NPAS3: variants seen among roughly 807,000 people sequenced by gnomAD.
The protein encoded by NPAS3 is neuronal PAS domain protein 3, also known as neuronal PAS domain-containing protein 3.
A neutral mutation model predicts 73.1 loss-of-function variants in NPAS3; 14 were observed. The observed-to-expected ratio is 0.19, with a 90% CI of 0.13 to 0.30. The LOEUF is 0.30. Ranked by LOEUF, NPAS3 falls within the 10% of genes least tolerant of loss-of-function variation. The pLI, the probability that NPAS3 is intolerant of heterozygous loss-of-function variation, is 1.00. For missense variants in NPAS3, 1,096 were observed against 1,250.0 expected, an observed-to-expected ratio of 0.88 and a Z score of 1.86; for synonymous variants, 620 against 541.5, an observed-to-expected ratio of 1.14 and a Z score of -2.01.
At chr14:33,262,580 A>G (rs916316202) in intron 3 of NPAS3, among the ~76,000 whole-genome samples, 1 of 152,090 alleles carries the variant, frequency 6.6e-6, no homozygotes, top group Non-Finnish European at 1.5e-5. Context: ...GCCTGTTCTC[A>G]TTTTTCCACA....
At chr14:33,563,714 G>T (rs950188178) in intron 5 of NPAS3, among the ~76,000 whole-genome samples, 2 of 152,138 alleles carry the variant, frequency 1.3e-5, no homozygotes, top group Non-Finnish European at 2.9e-5. Context: ...ACATACTGAT[G>T]CTGAGTTTGG....
chr14:33,387,458 A>C (rs1308580874), intron 4 of NPAS3, among the ~76,000 whole-genome samples: 1 of 152,060 alleles, frequency 6.6e-6, no homozygotes, highest in Non-Finnish European at 1.5e-5. Flanking sequence ...TTTTGGCCTA[A>C]ATACCCGTTA....
intron 5 of NPAS3, among the ~76,000 whole-genome samples, chr14:33,672,129 C>A (rs1168209754): frequency 6.6e-6 from 1 of 152,160 alleles, no homozygotes; most frequent in South Asian, 2.1e-4. Flanking sequence ...AGAGTTTTGC[C>A]GTAGATTGGA....
chr14:32,989,632 G>C, intron 1 of NPAS3, among the ~76,000 whole-genome samples: 1 of 151,646 alleles, frequency 6.6e-6, no homozygotes, highest in Non-Finnish European at 1.5e-5. Flanking sequence ...GCGACAGCGA[G>C]ACTCGGTCTC....
intron 4 of NPAS3, among the ~76,000 whole-genome samples, chr14:33,552,534 T>C (rs1239460220): frequency 6.6e-6 from 1 of 152,172 alleles, no homozygotes; most frequent in East Asian, 1.9e-4. Flanking sequence ...ATGCAATATA[T>C]ATTATATATA....
chr14:33,509,033 T>C (rs1367229096), intron 4 of NPAS3, among the ~76,000 whole-genome samples: 1 of 150,088 alleles, frequency 6.7e-6, no homozygotes, highest in African/African-American at 2.4e-5. Context: ...CTACTCAATA[T>C]AACCTTTAAA....
At position 33,083,178 on chromosome 14, in the gene NPAS3, C is replaced by CAAAAAAAA. The variant is rs57147759; in HGVS notation, c.140+27213_140+27220dup. ...AGCCTGGGTAATGGCGAGACTGTCT[C>CAAAAAAAA]AAAAAAAAAAAAAAAAAAAAAAAAA... On this transcript the variant is annotated intron_variant, in intron 2 of 11. Transcript: ENST00000356141. Among the ~76,000 whole-genome samples, 15 of 65,012 alleles carry CAAAAAAAA rather than the reference C, an allele frequency of 2.3e-4. 2 individuals are homozygous for CAAAAAAAA. The highest frequency in any genetic ancestry group is 5.7e-4 in the South Asian group (1 of 1,744). The allele number at this position is 65,012 out of a possible 152,430, so 42.7% of individuals were successfully genotyped here. A position where few individuals can be genotyped will look rare whatever the true frequency, so the allele number is the denominator to read the frequency against.
Position 33,607,272 on chromosome 14 carries a change from G to A in NPAS3, c.558+47062G>A, listed in dbSNP as rs142383657. Among the ~76,000 whole-genome samples the A allele has an allele frequency of 5.6e-4, 85 of 152,200 alleles. 3 individuals carry two copies. The South Asian group carries it at 6.4e-3, about 12-fold the overall frequency. On this transcript the variant is annotated intron_variant, in intron 5 of 11. Coordinates refer to ENST00000356141, the Ensembl canonical transcript of NPAS3. Reference sequence around the variant, plus strand: ...GTCAAAAACTGGAAACATTCCAGACGTCCATTACTAGGTGAATGTGGTATG... The same window carrying A: ...GTCAAAAACTGGAAACATTCCAGACATCCATTACTAGGTGAATGTGGTATG...
At chr14:33,644,515 T>C (rs1209709720) in intron 5 of NPAS3, among the ~76,000 whole-genome samples, 3 of 152,154 alleles carry the variant, frequency 2.0e-5, no homozygotes, top group African/African-American at 7.2e-5. Context: ...ATCCTCAGCA[T>C]AAGTCACATA....
intron 8 of NPAS3, among the ~76,000 whole-genome samples, chr14:33,777,541 G>C (rs1361135853): frequency 6.7e-6 from 1 of 149,092 alleles, no homozygotes; most frequent in East Asian, 1.9e-4. Context: ...TATTTCAATA[G>C]ACCATATGCC....
intron 3 of NPAS3, among the ~76,000 whole-genome samples, chr14:33,266,578 C>T (rs945395563): frequency 1.5e-4 from 23 of 152,118 alleles, no homozygotes; most frequent in African/African-American, 5.5e-4. Flanking sequence ...GTATCTGATA[C>T]TTTACTATAT....
chr14:33,468,712 C>T (rs1003508523), intron 4 of NPAS3, among the ~76,000 whole-genome samples: 4 of 151,972 alleles, frequency 2.6e-5, no homozygotes, highest in Admixed American at 2.0e-4. Context: ...GAGTGGTCAT[C>T]GTTCATTTTT....
chr14:33,460,122 C>T (rs1326566872), intron 4 of NPAS3, among the ~76,000 whole-genome samples: 1 of 152,226 alleles, frequency 6.6e-6, no homozygotes. Context: ...TACTCGTACA[C>T]ATACAGCTCT....
intron 4 of NPAS3, among the ~76,000 whole-genome samples, chr14:33,429,734 G>C (rs1270761148): frequency 6.6e-6 from 1 of 152,120 alleles, no homozygotes; most frequent in African/African-American, 2.4e-5. Context: ...AAGTTCAAAA[G>C]AATGAGCTTT....
At chr14:33,690,939 A>G (rs2060220089) in intron 6 of NPAS3, among the ~76,000 whole-genome samples, 1 of 151,514 alleles carries the variant, frequency 6.6e-6, no homozygotes, top group Non-Finnish European at 1.5e-5. Flanking sequence ...TTTAAGTGTC[A>G]TAAATAAATG....
In NPAS3 at chr14:33,267,799, A is replaced by G. The variant is rs551220169; in HGVS notation, c.385+52373A>G. 8.5e-5 allele frequency among the ~76,000 whole-genome samples: 13 copies of G among 152,250 alleles called. No homozygotes were observed. The East Asian group carries it at 2.5e-3, about 29-fold the overall frequency. On this transcript the variant is annotated intron_variant, in intron 3 of 11. Coordinates refer to ENST00000356141, the Ensembl canonical transcript of NPAS3. The stretch of plus-strand genomic sequence containing the variant: ...CATGTGTAATTGTTTGAATCCAGCA[A>G]AACGTGGAGCCCAGCATTGGGCATG...
At chr14:33,121,339 G>C (rs1206892953) in intron 2 of NPAS3, among the ~76,000 whole-genome samples, 2 of 152,218 alleles carry the variant, frequency 1.3e-5, no homozygotes, top group African/African-American at 2.4e-5. Flanking sequence ...GACAGAATGA[G>C]TTGCCCTCTC....
intron 3 of NPAS3, among the ~76,000 whole-genome samples, chr14:33,262,085 C>T (rs2048995717): frequency 6.6e-6 from 1 of 152,072 alleles, no homozygotes; most frequent in South Asian, 2.1e-4. Flanking sequence ...TGATGTATTC[C>T]AAAGATATAA....
chr14:33,037,836 T>A (rs546852088), intron 1 of NPAS3, among the ~76,000 whole-genome samples: 1 of 152,346 alleles, frequency 6.6e-6, no homozygotes, highest in East Asian at 1.9e-4. Context: ...TCATCTCAGT[T>A]GTTTTACTCT....
Sources: gnomAD v4.1 joint callset for allele counts (sites outside exome capture counted in the v4.1 genomes callset) on GRCh38, gnomAD v4.1.1 for gene constraint, MANE v1.5 for transcripts, NCBI Gene and HGNC (gene_info 2026-07-23, HGNC 2026-07-21) for gene names.